DNAAF11: variants seen among roughly 807,000 people sequenced by gnomAD.
DNAAF11 encodes leucine rich repeat containing 6.
Under a neutral mutation model 60.8 loss-of-function variants are expected in DNAAF11, and 45 were observed. The observed-to-expected ratio is 0.74, with a 90% CI of 0.58 to 0.95. The LOEUF is 0.95. DNAAF11 is among the 40% of genes least tolerant of loss of function. The pLI, the probability that DNAAF11 is intolerant of heterozygous loss-of-function variation, is 0.00. For synonymous variants in DNAAF11, 191 were observed against 183.5 expected (o/e 1.04, Z -0.33); for missense variants, 546 against 546.2 (o/e 1.00, Z 0.00).
intron 10 of DNAAF11, among the ~76,000 whole-genome samples, chr8:132,606,142 G>C (rs1818109130): frequency 6.6e-6 from 1 of 152,148 alleles, no homozygotes; most frequent in Admixed American, 6.6e-5. Context: ...TGTTTGTGGT[G>C]ATCCTGGCAT....
At chr8:132,675,700 G>A (rs1032803770), upstream of DNAAF11, 1 of 451,380 alleles carries the variant, frequency 2.2e-6, no homozygotes, top group Non-Finnish European at 4.0e-6. Context: ...AAGGGGCTCA[G>A]CAGACAGGGG....
At chr8:132,688,323 T>C in the DNAAF11 span, among the ~76,000 whole-genome samples, 1 of 152,218 alleles carries the variant, frequency 6.6e-6, no homozygotes, top group South Asian at 2.1e-4. Flanking sequence ...ATTGAGGACA[T>C]ATCTTGGCTC....
chr8:132,701,132 T>A, the DNAAF11 span, among the ~76,000 whole-genome samples: 1 of 152,176 alleles, frequency 6.6e-6, no homozygotes, highest in African/African-American at 2.4e-5. Flanking sequence ...ATCACCTTTT[T>A]TAAGGGTCCC....
chr8:132,592,242 C>G (rs1816541602), intron 10 of DNAAF11, among the ~76,000 whole-genome samples: 1 of 152,118 alleles, frequency 6.6e-6, no homozygotes, highest in Middle Eastern at 3.2e-3. Flanking sequence ...GCAGTGAGAT[C>G]AATACTAAGA....
At chr8:132,675,374 C>T in intron 1 of DNAAF11, 110 bp downstream of exon 1, 2 of 1,268,866 alleles carry the variant, frequency 1.6e-6, no homozygotes, top group Non-Finnish European at 2.2e-6. Flanking sequence ...TCCGCCCAGG[C>T]GCGGGGGAAC....
chr8:132,634,476 A>G, intron 4 of DNAAF11, among the ~76,000 whole-genome samples: 1 of 152,132 alleles, frequency 6.6e-6, no homozygotes, highest in Admixed American at 6.6e-5. Context: ...TACTTATGAG[A>G]CCATAATGAT....
At chr8:132,592,491 G>A (rs1183322581) in intron 10 of DNAAF11, among the ~76,000 whole-genome samples, 1 of 152,156 alleles carries the variant, frequency 6.6e-6, no homozygotes, top group African/African-American at 2.4e-5. Flanking sequence ...GGAGACAGTA[G>A]GAGCTGAGGT....
chr8:132,598,917 T>C (rs1254172002), intron 10 of DNAAF11, among the ~76,000 whole-genome samples: 7 of 152,044 alleles, frequency 4.6e-5, no homozygotes, highest in African/African-American at 1.7e-4. Flanking sequence ...GAGAAATAAC[T>C]AAGATCAGAG....
chr8:132,576,088 T>C (rs1412076674), intron 11 of DNAAF11, among the ~76,000 whole-genome samples: 1 of 152,240 alleles, frequency 6.6e-6, no homozygotes, highest in Non-Finnish European at 1.5e-5. Context: ...AGAGACTGAT[T>C]TCTTTTTTAA....
chr8:132,589,012 C>A (rs1312274663), intron 10 of DNAAF11, among the ~76,000 whole-genome samples: 4 of 152,108 alleles, frequency 2.6e-5, no homozygotes, highest in African/African-American at 9.7e-5. Flanking sequence ...CCCACCAGGC[C>A]CCATCTCCAG....
At chr8:132,637,160 A>T (rs1821387393) in intron 4 of DNAAF11, among the ~76,000 whole-genome samples, 1 of 152,216 alleles carries the variant, frequency 6.6e-6, no homozygotes, top group African/African-American at 2.4e-5. Context: ...AGTGGTTGTC[A>T]AATGAGGTTC....
chr8:132,580,638 TCA>T (rs1206373616), intron 11 of DNAAF11, among the ~76,000 whole-genome samples: 2 of 152,170 alleles, frequency 1.3e-5, no homozygotes, highest in Admixed American at 1.3e-4. Flanking sequence ...CATCAAAATA[TCA>T]TACACCTAAA....
Position 132,570,513 on chromosome 8 carries a change from A to G in DNAAF11, c.*1793T>C, listed in dbSNP as rs1814080361. Among the ~76,000 whole-genome samples, 3 of 152,184 alleles carry G rather than the reference A, an allele frequency of 2.0e-5. No homozygotes were observed. The highest frequency in any genetic ancestry group is 2.0e-4 in the Admixed American group (3 of 15,286). Reference sequence around the variant, plus strand: ...GTGGAAATTAAATACAGTCCTGACAAATGTACATGATTTCCAAGTTGGTAG... The same window carrying G: ...GTGGAAATTAAATACAGTCCTGACAGATGTACATGATTTCCAAGTTGGTAG... On this transcript the variant is annotated 3_prime_UTR_variant, in exon 12 of 12. Coordinates refer to ENST00000620350, the MANE Select transcript of DNAAF11 (RefSeq NM_012472.6).
intron 3 of DNAAF11, among the ~76,000 whole-genome samples, chr8:132,638,748 G>C (rs34572722): frequency 0.062 from 9,391 of 152,212 alleles, 389 homozygotes; most frequent in South Asian, 0.083. Flanking sequence ...CTGAAGTAGG[G>C]TTTTATAGTA....
chr8:132,610,615 A>T (rs1818566624), intron 9 of DNAAF11, among the ~76,000 whole-genome samples: 1 of 152,218 alleles, frequency 6.6e-6, no homozygotes, highest in African/African-American at 2.4e-5. Flanking sequence ...TATTTTAGAA[A>T]TAATAAAATT....
intron 1 of DNAAF11, among the ~76,000 whole-genome samples, chr8:132,670,260 T>C (rs1286689373): frequency 1.3e-5 from 2 of 152,130 alleles, no homozygotes; most frequent in African/African-American, 4.8e-5. Flanking sequence ...CAGTCAGACT[T>C]ATCAGCAAAA....
chr8:132,580,500 G>A (rs59208709), intron 11 of DNAAF11, among the ~76,000 whole-genome samples: 74 of 152,250 alleles, frequency 4.9e-4, no homozygotes, highest in African/African-American at 1.6e-3. Context: ...AACTGCCACC[G>A]AATTGTACAC....
chr8:132,675,315 G>A (rs1825684818), intron 1 of DNAAF11, 169 bp downstream of exon 1: 3 of 643,156 alleles, frequency 4.7e-6, no homozygotes. Flanking sequence ...GTCTGCAGAG[G>A]ACCTGGTGCA....
At chr8:132,598,711 GT>G (rs1450304942) in intron 10 of DNAAF11, among the ~76,000 whole-genome samples, 3 of 152,138 alleles carry the variant, frequency 2.0e-5, no homozygotes. Flanking sequence ...AAATAAAGAT[GT>G]TCTTTGAAAC....
Sources: allele counts gnomAD v4.1 joint callset (sites outside exome capture counted in the v4.1 genomes callset), GRCh38; gene constraint gnomAD v4.1.1; transcripts MANE v1.5; gene names NCBI Gene and HGNC (gene_info 2026-07-23, HGNC 2026-07-21).